ABCB7: variants seen among roughly 807,000 people sequenced by gnomAD.
ABCB7 encodes the protein iron-sulfur clusters transporter ABCB7, mitochondrial.
In ABCB7, 7 loss-of-function variants were observed where a neutral mutation model predicts 54.4. That is an observed-to-expected ratio of 0.13 (90% CI 0.07 to 0.24). ABCB7 has a LOEUF of 0.24. Among genes scored for constraint, ABCB7 ranks in the 10% least tolerant of loss-of-function variants. The pLI, the probability that ABCB7 is intolerant of heterozygous loss-of-function variation, is 1.00. For missense variants in ABCB7, 356 were observed against 570.4 expected, an observed-to-expected ratio of 0.62 and a Z score of 3.83; for synonymous variants, 218 against 207.1, an observed-to-expected ratio of 1.05 and a Z score of -0.45.
intron 15 of ABCB7, among the ~76,000 whole-genome samples, chrX:75,058,699 G>T (rs752449083): frequency 5.4e-5 from 6 of 111,429 alleles, no homozygotes; most frequent in Non-Finnish European, 1.1e-4. Context: ...AACCCAAGTG[G>T]CAATGGTGTA....
At chrX:75,153,629 C>A (rs1448898552) in intron 1 of ABCB7, among the ~76,000 whole-genome samples, 2 of 107,841 alleles carry the variant, frequency 1.9e-5, no homozygotes, top group Non-Finnish European at 3.8e-5. Flanking sequence ...CAAAACAGTA[C>A]CTATCCAAAA....
chrX:75,125,808 G>A (rs764075838), intron 1 of ABCB7, among the ~76,000 whole-genome samples: 1 of 109,988 alleles, frequency 9.1e-6, no homozygotes, highest in South Asian at 3.9e-4. Flanking sequence ...GAAAAAAAGG[G>A]ACTTTTTCAA....
chrX:75,080,591 A>G (rs1038664215), intron 4 of ABCB7, among the ~76,000 whole-genome samples: 4 of 111,690 alleles, frequency 3.6e-5, no homozygotes, highest in African/African-American at 1.3e-4. Context: ...GGTGTGAGCC[A>G]CCACGCCTGG....
chrX:75,068,701 G>A (rs2081341134), intron 12 of ABCB7, among the ~76,000 whole-genome samples: 1 of 112,164 alleles, frequency 8.9e-6, no homozygotes, highest in African/African-American at 3.2e-5. Flanking sequence ...TTATTTTACA[G>A]ATAAGAAAAT....
intron 3 of ABCB7, among the ~76,000 whole-genome samples, chrX:75,110,197 A>T (rs957168706): frequency 1.8e-5 from 2 of 112,201 alleles, no homozygotes. Context: ...TTAATAATTT[A>T]CAATAAAAAG....
intron 3 of ABCB7, among the ~76,000 whole-genome samples, chrX:75,103,840 T>C (rs1341770210): frequency 7.3e-5 from 8 of 109,299 alleles, no homozygotes; most frequent in African/African-American, 2.6e-4. Context: ...CTTTACCAAA[T>C]TTATTTATCA....
chrX:75,136,437 A>G (rs1041411124), intron 1 of ABCB7, among the ~76,000 whole-genome samples: 1 of 111,919 alleles, frequency 8.9e-6, no homozygotes, highest in Non-Finnish European at 1.9e-5. Context: ...ATTTAGATTC[A>G]ATGCTATTCC....
chrX:75,092,076 T>C (rs1046397134), intron 4 of ABCB7, among the ~76,000 whole-genome samples: 7 of 110,949 alleles, frequency 6.3e-5, no homozygotes, highest in African/African-American at 2.0e-4. Flanking sequence ...AAACTGATCC[T>C]AAAGTTTATA....
chrX:75,094,470 T>C (rs1248042258), intron 4 of ABCB7, among the ~76,000 whole-genome samples: 4 of 112,010 alleles, frequency 3.6e-5, no homozygotes, highest in Admixed American at 9.5e-5. Context: ...CCCAACACTC[T>C]GGGAGGCTGA....
At position 75,119,366 on chromosome X, in the gene ABCB7, T is replaced by C. The variant is rs1234336572; in HGVS notation, c.169-4535A>G. ...AAAATTAATCCTGTAAAAAAAATTATGTGTGTGACATACTGGCTAAAGTTA... is the reference window on the plus strand; with the variant it reads ...AAAATTAATCCTGTAAAAAAAATTACGTGTGTGACATACTGGCTAAAGTTA... On this transcript the variant is annotated intron_variant, in intron 1 of 15. Coordinates refer to ENST00000373394, the MANE Select transcript of ABCB7 (RefSeq NM_001271696.3). Among the ~76,000 whole-genome samples the C allele has an allele frequency of 8.0e-5, 9 of 112,372 alleles. No homozygotes were observed. In the Admixed American group the frequency reaches 8.4e-4, roughly 11 times the overall value.
At chrX:75,107,561 A>G (rs1221848693) in intron 3 of ABCB7, among the ~76,000 whole-genome samples, 1 of 111,699 alleles carries the variant, frequency 9.0e-6, no homozygotes, top group Admixed American at 9.4e-5. Context: ...GCCCTATTCC[A>G]GGCCCTAGCT....
intron 12 of ABCB7, among the ~76,000 whole-genome samples, chrX:75,067,905 G>A (rs2081334055): frequency 9.0e-6 from 1 of 111,563 alleles, no homozygotes. Flanking sequence ...ACTGGGGTAT[G>A]TGAGAAAGAA....
At position 75,076,529 on chromosome X, in the gene ABCB7, C is replaced by G. The variant is rs748924551; in HGVS notation, c.579G>C (p.Leu193=). Residue 193 remains leucine, a synonymous_variant, in exon 5 of 16, where the codon CTG becomes CTC. Transcript: ENST00000373394. ...TTAAAGAATCACACATACAGCCAATCAGAACTGCTGTTGCCATGGTTGCAA... is the reference window on the plus strand; with the variant it reads ...TTAAAGAATCACACATACAGCCAATGAGAACTGCTGTTGCCATGGTTGCAA... ...NTVATMATAV[L]IGYGVSRAGA... is the part of the protein sequence containing the mutation. The G allele has an allele frequency of 3.3e-6, 4 of 1,210,937 alleles. No homozygotes were observed. The South Asian group carries it at 5.3e-5, about 16-fold the overall frequency.
At chrX:75,138,736 C>T (rs946580331) in intron 1 of ABCB7, among the ~76,000 whole-genome samples, 5 of 111,363 alleles carry the variant, frequency 4.5e-5, no homozygotes, top group African/African-American at 1.3e-4. Context: ...TGAGGCCAGG[C>T]GCAGTGGCTC....
intron 4 of ABCB7, among the ~76,000 whole-genome samples, chrX:75,087,268 T>C (rs184359501): frequency 9.0e-6 from 1 of 111,703 alleles, no homozygotes; most frequent in East Asian, 2.8e-4. Flanking sequence ...AGCCCCAATT[T>C]TGGGGTTTGC....
intron 3 of ABCB7, among the ~76,000 whole-genome samples, chrX:75,109,215 C>T (rs1400467247): frequency 1.8e-5 from 2 of 111,998 alleles, no homozygotes; most frequent in Non-Finnish European, 3.8e-5. Context: ...AAATGTACTA[C>T]AAGTGAACAG....
At chrX:75,096,752 A>C in intron 4 of ABCB7, among the ~76,000 whole-genome samples, 1 of 110,494 alleles carries the variant, frequency 9.1e-6, no homozygotes, top group Admixed American at 9.7e-5. Flanking sequence ...CTTTTGTTAA[A>C]GGCATTCTTA....
intron 1 of ABCB7, among the ~76,000 whole-genome samples, chrX:75,123,549 C>T (rs1302475786): frequency 9.0e-6 from 1 of 111,610 alleles, no homozygotes; most frequent in African/African-American, 3.3e-5. Flanking sequence ...TTTTCTATTG[C>T]TGTGAAAAAT....
chrX:75,067,723 G>C (rs190936017), intron 12 of ABCB7, among the ~76,000 whole-genome samples: 1 of 110,852 alleles, frequency 9.0e-6, no homozygotes, highest in Non-Finnish European at 1.9e-5. Flanking sequence ...GACCTTAGGC[G>C]ATCTGCCTGC....
Sources: allele counts gnomAD v4.1 joint callset (sites outside exome capture counted in the v4.1 genomes callset), GRCh38; gene constraint gnomAD v4.1.1; transcripts MANE v1.5; gene names NCBI Gene and HGNC (gene_info 2026-07-23, HGNC 2026-07-21).